The following NDUFAF7 variants were observed in gnomAD, a reference collection of about 807,000 sequenced individuals.
The protein encoded by NDUFAF7 is NADH:ubiquinone oxidoreductase complex assembly factor 7.
In NDUFAF7, 48 loss-of-function variants were observed where a neutral mutation model predicts 47.2. The observed-to-expected ratio is 1.02, with a 90% confidence interval of 0.81 to 1.29. The LOEUF is 1.29. Ranked by LOEUF, NDUFAF7 falls within the 50% of genes most tolerant of loss-of-function variation. NDUFAF7 has a pLI of 0.00. For missense variants in NDUFAF7, 635 were observed against 537.6 expected (o/e 1.18, Z -1.79); for synonymous variants, 217 against 190.0 (o/e 1.14, Z -1.17).
In NDUFAF7 at chr2:37,243,956, G is replaced by A; in HGVS notation, c.775G>A (p.Ala259Thr). ...RFVLAPSATPAEAFIQHDETR... is the reference protein window; with the variant it reads ...RFVLAPSATPTEAFIQHDETR... ...TGTTTTGGCACCTTCTGCCACCCCA[G>A]CAGAAGCCTTCATACAAGTAAGAAT... is the stretch of plus-strand genomic sequence containing the variant. The change falls in exon 7 of 10, where the codon GCA becomes ACA. Residue 259 changes from alanine to threonine, a missense_variant. By Grantham distance (58) the Ala-to-Thr change is moderately conservative (BLOSUM62 0). Transcript: ENST00000002125. 1 of 1,612,104 alleles carries A rather than the reference G, an allele frequency of 6.2e-7. No individual in the cohort carries two copies. The highest frequency in any genetic ancestry group is 8.5e-7 in the Non-Finnish European group (1 of 1,178,328).
chr2:37,235,484 G>A (rs190023453), intron 2 of NDUFAF7, among the ~76,000 whole-genome samples: 1 of 152,086 alleles, frequency 6.6e-6, no homozygotes, highest in Non-Finnish European at 1.5e-5. Context: ...TGCTGTGTTG[G>A]GTGTGGGAGC....
intron 4 of NDUFAF7, among the ~76,000 whole-genome samples, chr2:37,239,669 A>G (rs1248651888): frequency 6.6e-6 from 1 of 152,244 alleles, no homozygotes; most frequent in Non-Finnish European, 1.5e-5. Flanking sequence ...GAAGTACTGC[A>G]AGAATGCGTG....
Position 37,248,997 on chromosome 2 carries a change from GAT to G in NDUFAF7, c.*652_*653del, listed in dbSNP as rs1467667530. The G allele has an allele frequency of 4.6e-5, 7 of 152,578 alleles. No homozygotes were observed. The highest frequency in any genetic ancestry group is 1.9e-4 in the East Asian group (1 of 5,206). The allele number at this position is 152,578 out of a possible 1,614,324, so 9.5% of individuals were successfully genotyped here. On this transcript the variant is annotated 3_prime_UTR_variant, in exon 10 of 10. Coordinates refer to ENST00000002125, the MANE Select transcript of NDUFAF7 (RefSeq NM_144736.5). ...ATGGCTATTCACAGGAAACTGATAA[GAT>G]ATATGTTATTTTTTTAAATGAGCTA...
the NDUFAF7 span, among the ~76,000 whole-genome samples, chr2:37,267,066 C>T: frequency 6.6e-6 from 1 of 152,002 alleles, no homozygotes; most frequent in Non-Finnish European, 1.5e-5. Flanking sequence ...GAAATAAGTG[C>T]TGTTAAAAGG....
chr2:37,262,020 G>A, the NDUFAF7 span, among the ~76,000 whole-genome samples: 1 of 152,204 alleles, frequency 6.6e-6, no homozygotes, highest in Admixed American at 6.5e-5. Context: ...AAGCGACTGT[G>A]CTTAAGGTAG....
downstream of NDUFAF7, among the ~76,000 whole-genome samples, chr2:37,258,261 TA>T (rs1328761853): frequency 6.6e-6 from 1 of 152,250 alleles, no homozygotes; most frequent in Non-Finnish European, 1.5e-5. Flanking sequence ...CACATATTTT[TA>T]TGAATGATAT....
chr2:37,246,449 C>G (rs1341327654), intron 8 of NDUFAF7, among the ~76,000 whole-genome samples: 2 of 152,094 alleles, frequency 1.3e-5, no homozygotes, highest in African/African-American at 2.4e-5. Flanking sequence ...TTATATAAAT[C>G]CAGATAAGCA....
At chr2:37,256,299 A>T (rs1240484806), downstream of NDUFAF7, among the ~76,000 whole-genome samples, 1 of 152,220 alleles carries the variant, frequency 6.6e-6, no homozygotes, top group Non-Finnish European at 1.5e-5. Context: ...GTTAAAGAGA[A>T]GTGTTTGGGA....
chr2:37,244,253 A>G (rs1017137371), intron 7 of NDUFAF7, among the ~76,000 whole-genome samples: 2 of 152,214 alleles, frequency 1.3e-5, no homozygotes, highest in African/African-American at 4.8e-5. Flanking sequence ...TCTCAGTTTC[A>G]TGTCAAATGG....
At position 37,248,568 on chromosome 2, in the gene NDUFAF7, TGA is replaced by T. The variant is rs2148448685; in HGVS notation, c.*220_*221del. ...TCAAGCTAATAAGTTATTGTGAAAC[TGA>T]GTTTCCTTTAACTTACAAAGCTAGT... is the stretch of plus-strand genomic sequence containing the variant. On this transcript the variant is annotated 3_prime_UTR_variant, in exon 10 of 10. Coordinates refer to ENST00000002125, the MANE Select transcript of NDUFAF7 (RefSeq NM_144736.5). 1 of 564,636 alleles carries T rather than the reference TGA, an allele frequency of 1.8e-6. No homozygotes were observed. The highest frequency in any genetic ancestry group is 3.1e-5 in the East Asian group (1 of 32,140). The allele number at this position is 564,636 out of a possible 1,614,324, so 35.0% of individuals were successfully genotyped here.
In NDUFAF7 at chr2:37,236,612, TAAAA is replaced by T. The variant is rs575793366; in HGVS notation, c.297+443_297+446del. Among the ~76,000 whole-genome samples, 68 of 147,900 alleles carry T rather than the reference TAAAA, an allele frequency of 4.6e-4. No homozygotes were observed. In the South Asian group the frequency reaches 0.014, roughly 30 times the overall value. ...TAACACGGTGAAACGCAGTCTCTACTAAAAAAAAAATACAAAAAATTAGCCGAGC... is the reference window on the plus strand; with the variant it reads ...TAACACGGTGAAACGCAGTCTCTACTAAAAAATACAAAAAATTAGCCGAGC... On this transcript the variant is annotated intron_variant, in intron 3 of 9. Coordinates refer to ENST00000002125, the MANE Select transcript of NDUFAF7 (RefSeq NM_144736.5).
the NDUFAF7 span, among the ~76,000 whole-genome samples, chr2:37,261,360 A>G: frequency 6.6e-6 from 1 of 152,092 alleles, no homozygotes; most frequent in Non-Finnish European, 1.5e-5. Context: ...GGTGACAGGT[A>G]TCTGTAAACC....
At position 37,247,350 on chromosome 2, in the gene NDUFAF7, C is replaced by T. The variant is rs147828034; in HGVS notation, c.937-106C>T. The stretch of plus-strand genomic sequence containing the variant: ...TAGAGAATTAATGAGAGCTCTATTC[C>T]GTCACCTCAAGCATTAATGTAAATA... On this transcript the variant is annotated intron_variant, in intron 8 of 9. Coordinates refer to ENST00000002125, the MANE Select transcript of NDUFAF7 (RefSeq NM_144736.5). 125 of 1,341,038 alleles carry T rather than the reference C, an allele frequency of 9.3e-5. 1 individual carries two copies. In the Middle Eastern group the frequency reaches 2.3e-3, roughly 25 times the overall value. The allele number at this position is 1,341,038 out of a possible 1,614,324, so 83.1% of individuals were successfully genotyped here.
At position 37,248,135 on chromosome 2, in the gene NDUFAF7, G is replaced by T. The variant is rs1192538375; in HGVS notation, c.1111G>T (p.Val371Phe). ...TTGCTAAGAATTTTTTTCTTTTCAG[G>T]TTCTTTTAGATAAATCAAATGAGCC... ...KNMGIDVRLK[V>F]LLDKSNEPSV... Residue 371 changes from valine (V) to phenylalanine (F), a missense_variant and splice_region_variant, in exon 10 of 10, where the codon GTT becomes TTT. Val to Phe is a conservative substitution (Grantham distance 50). Coordinates refer to ENST00000002125, the MANE Select transcript of NDUFAF7 (RefSeq NM_144736.5). 2 of 1,611,910 alleles carry T rather than the reference G, an allele frequency of 1.2e-6. No homozygotes were observed. Among genetic ancestry groups the T allele is most frequent in the Non-Finnish European group, 8.5e-7 (1 of 1,178,458 alleles).
In NDUFAF7 at chr2:37,232,253, C is replaced by G. The variant is rs896098071; in HGVS notation, c.203C>G (p.Thr68Ser). 2.5e-6 allele frequency: 4 copies of G among 1,613,036 alleles called. No homozygotes were observed. The East Asian group carries it at 6.7e-5, about 27-fold the overall frequency. Residue 68 changes from threonine to serine, a missense_variant, in exon 2 of 10, where the codon ACT becomes AGT. Transcript: ENST00000002125. ...GCCGAGTACATGAAGGAGGTGTTGACTAATCCAGCCAAGGTATGGGTCGGG... is the reference window on the plus strand; with the variant it reads ...GCCGAGTACATGAAGGAGGTGTTGAGTAATCCAGCCAAGGTATGGGTCGGG... ...TVAEYMKEVL[T>S]NPAKGYYVYR...
At chr2:37,267,558 G>T in the NDUFAF7 span, 1 of 1,532,060 alleles carries the variant, frequency 6.5e-7, no homozygotes, top group Non-Finnish European at 9.0e-7. Context: ...AAAAGAAGAG[G>T]AACGAATGAA....
chr2:37,267,106 A>G, the NDUFAF7 span, among the ~76,000 whole-genome samples: 1 of 152,236 alleles, frequency 6.6e-6, no homozygotes, highest in Admixed American at 6.5e-5. Flanking sequence ...CTTTACTTGC[A>G]CAGTAATTGC....
chr2:37,236,188 T>C lies in NDUFAF7; in HGVS notation c.297+12T>C, dbSNP rs1665734911. The C allele has an allele frequency of 6.4e-7, 1 of 1,565,422 alleles. No individual in the cohort carries two copies. Among genetic ancestry groups the C allele is most frequent in the Non-Finnish European group, 8.8e-7 (1 of 1,135,798 alleles). Reference sequence around the variant, plus strand: ...AAATCTTTGGGGAGGTAATATACTATGTAAAGTATGAATGAAGCTAATATA... The same window carrying C: ...AAATCTTTGGGGAGGTAATATACTACGTAAAGTATGAATGAAGCTAATATA... On this transcript the variant is annotated intron_variant, in intron 3 of 9. Coordinates refer to ENST00000002125, the MANE Select transcript of NDUFAF7 (RefSeq NM_144736.5).
the NDUFAF7 span, chr2:37,260,325 G>T: frequency 6.2e-7 from 1 of 1,609,460 alleles, no homozygotes; most frequent in Non-Finnish European, 8.5e-7. Flanking sequence ...TTACTACAAA[G>T]ACTCGTTCTG....
Sources: gnomAD v4.1 joint callset for allele counts (sites outside exome capture counted in the v4.1 genomes callset) on GRCh38, gnomAD v4.1.1 for gene constraint, MANE v1.5 for transcripts, NCBI Gene and HGNC (gene_info 2026-07-23, HGNC 2026-07-21) for gene names.